Variants in METAP1D observed in about 807,000 individuals in gnomAD.
The protein encoded by METAP1D is methionine aminopeptidase 1D, mitochondrial.
Under a neutral mutation model 40.5 loss-of-function variants are expected in METAP1D, and 31 were observed. The observed-to-expected ratio is 0.77, with a 90% CI of 0.58 to 1.03. The LOEUF is 1.03. METAP1D is among the 50% of genes least tolerant of loss of function. The pLI is 0.00. For missense variants in METAP1D, 411 were observed against 420.7 expected (o/e 0.98, Z 0.20); for synonymous variants, 151 against 146.4 (o/e 1.03, Z -0.22).
At chr2:172,067,688 C>T (rs985290140) in intron 5 of METAP1D, among the ~76,000 whole-genome samples, 2 of 152,152 alleles carry the variant, frequency 1.3e-5, no homozygotes, top group African/African-American at 4.8e-5. Flanking sequence ...ACTACTCTTC[C>T]CTACTGTTTC....
At chr2:172,080,255 T>C in intron 9 of METAP1D, 49 bp downstream of exon 9, 1 of 1,613,928 alleles carries the variant, frequency 6.2e-7, no homozygotes, top group Non-Finnish European at 8.5e-7. Context: ...GAAAGGAAGA[T>C]TGGTCCGACG....
At chr2:172,075,474 G>T (rs1036931575) in intron 6 of METAP1D, among the ~76,000 whole-genome samples, 1 of 152,134 alleles carries the variant, frequency 6.6e-6, no homozygotes, top group Non-Finnish European at 1.5e-5. Flanking sequence ...TCCCCAGCAT[G>T]CCAGTCAAGA....
intron 1 of METAP1D, among the ~76,000 whole-genome samples, chr2:172,038,184 G>A (rs2105428831): frequency 6.6e-6 from 1 of 152,274 alleles, no homozygotes; most frequent in East Asian, 1.9e-4. Flanking sequence ...TCCCAGGCCA[G>A]CTCAAAAAAC....
intron 5 of METAP1D, among the ~76,000 whole-genome samples, chr2:172,067,536 T>C (rs184435684): frequency 1.3e-5 from 2 of 152,354 alleles, no homozygotes; most frequent in African/African-American, 4.8e-5. Context: ...AGGAGGTATT[T>C]TATGAAGTAT....
chr2:172,059,987 G>C (rs1348308013), intron 1 of METAP1D, among the ~76,000 whole-genome samples: 1 of 152,204 alleles, frequency 6.6e-6, no homozygotes, highest in South Asian at 2.1e-4. Flanking sequence ...GGAGGCGGAG[G>C]TTGCAGTGAG....
At chr2:172,021,765 C>G (rs1272801104) in intron 1 of METAP1D, 1 of 152,240 alleles carries the variant, frequency 6.6e-6, no homozygotes, top group Non-Finnish European at 1.5e-5. Context: ...CAAGACCTCC[C>G]TGGCCTTGGC....
intron 1 of METAP1D, among the ~76,000 whole-genome samples, chr2:172,014,377 G>A (rs1688802623): frequency 6.6e-6 from 1 of 152,186 alleles, no homozygotes. Context: ...CTCCCAAAGT[G>A]CTGGGATTAC....
intron 1 of METAP1D, among the ~76,000 whole-genome samples, chr2:172,030,704 G>A (rs955790982): frequency 1.3e-5 from 2 of 152,094 alleles, no homozygotes; most frequent in Admixed American, 6.5e-5. Flanking sequence ...ACATCAATTC[G>A]CAGGAAATAT....
At position 172,045,809 on chromosome 2, in the gene METAP1D, GTGTGTGTGTGTATATATATATA is replaced by G. The variant is rs1191730739; in HGVS notation, c.41-15687_41-15666del. On this transcript the variant is annotated intron_variant, in intron 1 of 9. Transcript: ENST00000315796. ...TGTATATGTATATATGTGTGTGTGT[GTGTGTGTGTGTATATATATATA>G]TATATATATATATATATATATATAT... 2.1e-4 allele frequency among the ~76,000 whole-genome samples: 15 copies of G among 69,956 alleles called. No homozygotes were observed. In the East Asian group the frequency reaches 2.9e-3, roughly 13 times the overall value. 45.9% of individuals were successfully genotyped at this position (69,956 alleles called of 152,430 possible). A position where few individuals can be genotyped will look rare whatever the true frequency, so the allele number is the denominator to read the frequency against.
chr2:172,073,406 G>C (rs894417370), intron 6 of METAP1D, among the ~76,000 whole-genome samples: 1 of 151,746 alleles, frequency 6.6e-6, no homozygotes, highest in African/African-American at 2.4e-5. Flanking sequence ...AGAAGAAGAA[G>C]AAGAGTAGAA....
At chr2:172,040,138 A>G (rs534085901) in intron 1 of METAP1D, among the ~76,000 whole-genome samples, 2 of 150,224 alleles carry the variant, frequency 1.3e-5, no homozygotes, top group South Asian at 2.1e-4. Context: ...TTGTATTTTC[A>G]GTAGAGACGG....
chr2:172,015,094 A>G (rs1688824385), intron 1 of METAP1D, among the ~76,000 whole-genome samples: 1 of 152,260 alleles, frequency 6.6e-6, no homozygotes, highest in South Asian at 2.1e-4. Flanking sequence ...AAATAGCCAC[A>G]AAATTTCATA....
At chr2:172,024,770 G>GTGTGTGTATGTGTGTGTGTGTT (rs1689089508) in intron 1 of METAP1D, among the ~76,000 whole-genome samples, 1 of 105,114 alleles carries the variant, frequency 9.5e-6, no homozygotes, top group Non-Finnish European at 2.2e-5. Flanking sequence ...GTGTGTGTGT[G>GTGTGTGTATGTGTGTGTGTGTT]TGTGTGTGTG....
intron 1 of METAP1D, among the ~76,000 whole-genome samples, chr2:172,056,689 C>T (rs890693135): frequency 1.3e-5 from 2 of 152,170 alleles, no homozygotes; most frequent in African/African-American, 4.8e-5. Flanking sequence ...AAGAAAGGAG[C>T]ATTTATGGAG....
At chr2:172,004,412 C>G (rs1314638911) in intron 1 of METAP1D, among the ~76,000 whole-genome samples, 1 of 151,976 alleles carries the variant, frequency 6.6e-6, no homozygotes, top group Non-Finnish European at 1.5e-5. Context: ...CAACCTCTGC[C>G]ACCCAAATTC....
chr2:172,002,387 A>G (rs1394708851), intron 1 of METAP1D, among the ~76,000 whole-genome samples: 2 of 152,208 alleles, frequency 1.3e-5, no homozygotes, highest in African/African-American at 4.8e-5. Context: ...TGTATATATA[A>G]CATCTCTTTG....
intron 1 of METAP1D, among the ~76,000 whole-genome samples, chr2:172,010,929 T>G (rs562491136): frequency 5.4e-4 from 82 of 151,768 alleles, no homozygotes; most frequent in African/African-American, 2.0e-3. Flanking sequence ...TAACTTGTAT[T>G]TTTAGTAGAG....
At chr2:172,079,194 C>A (rs144403781) in intron 7 of METAP1D, 21 bp from the exon 8 acceptor site, 2 of 1,613,574 alleles carry the variant, frequency 1.2e-6, no homozygotes, top group Non-Finnish European at 1.7e-6. Context: ...ATTCTCACCC[C>A]CCATGTTTTT....
chr2:172,027,156 A>T (rs1042228633), intron 1 of METAP1D, among the ~76,000 whole-genome samples: 2 of 152,206 alleles, frequency 1.3e-5, no homozygotes, highest in African/African-American at 4.8e-5. Context: ...GATGATAAAT[A>T]CTAGAAAACT....
Sources: gnomAD v4.1 joint callset for allele counts (sites outside exome capture counted in the v4.1 genomes callset) on GRCh38, gnomAD v4.1.1 for gene constraint, MANE v1.5 for transcripts, NCBI Gene and HGNC (gene_info 2026-07-23, HGNC 2026-07-21) for gene names.